VAV1: variants seen among roughly 807,000 people sequenced by gnomAD.
The protein encoded by VAV1 is vav guanine nucleotide exchange factor 1.
VAV1 carries 33 observed loss-of-function variants against 128.1 expected under a neutral mutation model. The ratio of observed to expected loss-of-function variants is 0.26; its 90% CI spans 0.20 to 0.34. VAV1 has a LOEUF of 0.34. Ranked by LOEUF, VAV1 falls within the 10% of genes least tolerant of loss-of-function variation. The probability of loss-of-function intolerance (pLI) is 1.00; values close to 1 mark genes in which losing one functional copy is unlikely to be tolerated. For synonymous variants in VAV1, 394 were observed against 409.8 expected (o/e 0.96, Z 0.47); for missense variants, 715 against 1,093.7 (o/e 0.65, Z 4.88).
At chr19:6,790,178 AAAAAT>A (rs145836391) in intron 1 of VAV1, among the ~76,000 whole-genome samples, 39,516 of 151,440 alleles carry the variant, frequency 0.26, 6,164 homozygotes, top group African/African-American at 0.44. Context: ...ACTCTGTCTC[AAAAAT>A]AAAATAAAAT....
chr19:6,835,529 G>A (rs1216038428), intron 19 of VAV1, among the ~76,000 whole-genome samples: 1 of 152,124 alleles, frequency 6.6e-6, no homozygotes, highest in Non-Finnish European at 1.5e-5. Context: ...TTGTCAGAAA[G>A]CACTGCTACT....
At chr19:6,811,543 A>G (rs1971512297) in intron 1 of VAV1, among the ~76,000 whole-genome samples, 2 of 152,072 alleles carry the variant, frequency 1.3e-5, no homozygotes, top group African/African-American at 4.8e-5. Flanking sequence ...TTGGCTGAAG[A>G]CATTGGGGAA....
chr19:6,855,079 C>G lies in VAV1; in HGVS notation c.2484+981C>G, dbSNP rs182406565. Among the ~76,000 whole-genome samples the G allele has an allele frequency of 6.6e-5, 10 of 152,316 alleles. No homozygotes were observed. The East Asian group carries it at 1.9e-3, about 29-fold the overall frequency. On this transcript the variant is annotated intron_variant, in intron 26 of 26. Coordinates refer to ENST00000602142, the MANE Select transcript of VAV1 (RefSeq NM_005428.4). ...AGTCCACTTGTTTCTGCCAAGTTCTCATTTTTGTTCCATGAAGGCAGAGCA... is the reference window on the plus strand; with the variant it reads ...AGTCCACTTGTTTCTGCCAAGTTCTGATTTTTGTTCCATGAAGGCAGAGCA...
chr19:6,804,175 A>T (rs976854551), intron 1 of VAV1, among the ~76,000 whole-genome samples: 9 of 151,766 alleles, frequency 5.9e-5, no homozygotes, highest in Admixed American at 3.3e-4. Flanking sequence ...CATGTGTCCA[A>T]ATCCAGAGAA....
At chr19:6,834,709 A>G (rs1021109448) in intron 19 of VAV1, among the ~76,000 whole-genome samples, 1 of 146,984 alleles carries the variant, frequency 6.8e-6, no homozygotes, top group Non-Finnish European at 1.5e-5. Context: ...ATGTATATAT[A>G]ATATATCTTT....
rs1971817781 is a variant in VAV1, at chr19:6,822,516, T to TGGGCGCCTCCCACCCAGCGCCTGCC, written c.654+9_654+33dup. Reference sequence around the variant, plus strand: ...GACACGCTGGGCTCCATCCAGCAGGTGGGCGCCTCCCACCCAGCGCCTGCC... The same window carrying TGGGCGCCTCCCACCCAGCGCCTGCC: ...GACACGCTGGGCTCCATCCAGCAGGTGGGCGCCTCCCACCCAGCGCCTGCCGGGCGCCTCCCACCCAGCGCCTGCC... On this transcript the variant is annotated splice_region_variant and intron_variant, in intron 6 of 26. Coordinates refer to ENST00000602142, the MANE Select transcript of VAV1 (RefSeq NM_005428.4). This position sits in a 1 kb window ranked among gnomAD's most constrained non-coding sequence, Gnocchi z 5.9. 6.5e-7 allele frequency: 1 copy of TGGGCGCCTCCCACCCAGCGCCTGCC among 1,546,420 alleles called. No homozygotes were observed.
chr19:6,842,873 C>T (rs79686724), intron 21 of VAV1, among the ~76,000 whole-genome samples: 172 of 152,182 alleles, frequency 1.1e-3, no homozygotes, highest in African/African-American at 4.0e-3. Flanking sequence ...TGCCAACCAT[C>T]TAAAAATGTA....
chr19:6,822,349 G>C lies in VAV1; in HGVS notation c.558+20G>C. 1 of 1,562,946 alleles carries C rather than the reference G, an allele frequency of 6.4e-7. No individual in the cohort carries two copies. The highest frequency in any genetic ancestry group is 8.7e-7 in the Non-Finnish European group (1 of 1,154,328). ...ATGCCGGTGCGTGACGTGGAGGGTCGGGCCTGGGGAGGGCGTGGGCGGGGG... is the reference window on the plus strand; with the variant it reads ...ATGCCGGTGCGTGACGTGGAGGGTCCGGCCTGGGGAGGGCGTGGGCGGGGG... On this transcript the variant is annotated intron_variant, in intron 5 of 26. Coordinates refer to ENST00000602142, the MANE Select transcript of VAV1 (RefSeq NM_005428.4). The surrounding 1 kb of genome is among the most constrained non-coding windows in gnomAD (Gnocchi z 5.9).
chr19:6,820,962 T>C lies in VAV1; in HGVS notation c.321+144T>C, dbSNP rs1387177797. The C allele has an allele frequency of 1.8e-5, 14 of 759,986 alleles. No homozygotes were observed. Among genetic ancestry groups the C allele is most frequent in the Non-Finnish European group, 2.9e-5 (13 of 446,900 alleles). 47.1% of individuals were successfully genotyped at this position (759,986 alleles called of 1,614,324 possible). A position where few individuals can be genotyped will look rare whatever the true frequency, so the allele number is the denominator to read the frequency against. The stretch of plus-strand genomic sequence containing the variant: ...AGACGCAAATAGCACTGGCTTGGGA[T>C]ATGTGGAACTGGGTTTGAGTTCCTG... On this transcript the variant is annotated intron_variant, in intron 2 of 26. Transcript: ENST00000602142. The surrounding 1 kb of genome is among the most constrained non-coding windows in gnomAD (Gnocchi z 4.4).
At chr19:6,823,580 G>A (rs1445374165) in intron 6 of VAV1, among the ~76,000 whole-genome samples, 2 of 151,916 alleles carry the variant, frequency 1.3e-5, no homozygotes, top group Non-Finnish European at 2.9e-5. Context: ...CAATCCTCCT[G>A]TAATCCAAGC....
At position 6,821,912 on chromosome 19, in the gene VAV1, T is replaced by C. The variant is rs1038680774; in HGVS notation, c.449+53T>C. On this transcript the variant is annotated intron_variant, in intron 4 of 26. Transcript: ENST00000602142. ...GCTCACTGGAGCACCGTCCTGGGGG[T>C]GGAGGGTGTGGGGGGACATGGCCTT... is the stretch of plus-strand genomic sequence containing the variant. The C allele has an allele frequency of 1.7e-5, 28 of 1,607,724 alleles. No individual in the cohort carries two copies. In the African/African-American group the frequency reaches 3.6e-4, roughly 21 times the overall value.
At chr19:6,774,317 CAG>C (rs1425693954) in intron 1 of VAV1, among the ~76,000 whole-genome samples, 3 of 149,192 alleles carry the variant, frequency 2.0e-5, no homozygotes, top group African/African-American at 7.4e-5. Context: ...TTAGTAGAGA[CAG>C]GGGTTTCACC....
At chr19:6,852,697 G>A (rs1972697260) in intron 24 of VAV1, among the ~76,000 whole-genome samples, 1 of 151,486 alleles carries the variant, frequency 6.6e-6, no homozygotes, top group Non-Finnish European at 1.5e-5. Context: ...CTCCAGCCTG[G>A]GCGACAGAGC....
At chr19:6,816,002 T>C (rs533455193) in intron 1 of VAV1, among the ~76,000 whole-genome samples, 23 of 150,082 alleles carry the variant, frequency 1.5e-4, no homozygotes, top group African/African-American at 5.7e-4. Flanking sequence ...ATAATGAAAC[T>C]CTCTGTCTCT....
chr19:6,843,114 G>A, intron 21 of VAV1, 21 bp from the exon 22 acceptor site: 1 of 1,613,818 alleles, frequency 6.2e-7, no homozygotes, highest in South Asian at 1.1e-5. Context: ...ACTAAGTTGG[G>A]GTCTCTCTCT....
At chr19:6,823,163 T>C (rs1179668322) in intron 6 of VAV1, among the ~76,000 whole-genome samples, 2 of 149,738 alleles carry the variant, frequency 1.3e-5, no homozygotes, top group African/African-American at 4.9e-5. Flanking sequence ...TTCTCTCTCA[T>C]TGCCCAGGCT....
chr19:6,833,316 C>T lies in VAV1; in HGVS notation c.1610+31C>T, dbSNP rs146355078. On this transcript the variant is annotated intron_variant, in intron 16 of 26. Coordinates refer to ENST00000602142, the MANE Select transcript of VAV1 (RefSeq NM_005428.4). ...AATCTGGGAGGAGGGTCCTGCATAC[C>T]GGACTTGGTCATCAGTTCCTTGCTA... 15,676 of 1,581,574 alleles carry T rather than the reference C, an allele frequency of 9.9e-3. 104 individuals are homozygous for T. The highest frequency in any genetic ancestry group is 0.011 in the Non-Finnish European group (13,196 of 1,164,192).
chr19:6,807,890 C>G (rs2144743047), intron 1 of VAV1, among the ~76,000 whole-genome samples: 1 of 147,428 alleles, frequency 6.8e-6, no homozygotes, highest in East Asian at 2.0e-4. Context: ...ACTCAGGAGG[C>G]TGAGCAGGAG....
rs1971759312 is a variant in VAV1, at chr19:6,820,669, C to T, written c.205-33C>T. ...TCAGTTTCTCCCCTGCCCTTTCGTA[C>T]TGCCCCACCCTCATTTCTCTGTCTC... On this transcript the variant is annotated intron_variant, in intron 1 of 26. Coordinates refer to ENST00000602142, the MANE Select transcript of VAV1 (RefSeq NM_005428.4). The surrounding 1 kb of genome is among the most constrained non-coding windows in gnomAD (Gnocchi z 4.4). The T allele has an allele frequency of 1.9e-6, 3 of 1,601,978 alleles. No individual in the cohort carries two copies. The highest frequency in any genetic ancestry group is 1.1e-5 in the South Asian group (1 of 90,776).
Sources: allele counts gnomAD v4.1 joint callset (sites outside exome capture counted in the v4.1 genomes callset), GRCh38; gene constraint gnomAD v4.1.1; non-coding constraint Gnocchi (gnomAD v3.1); transcripts MANE v1.5; gene names NCBI Gene and HGNC (gene_info 2026-07-23, HGNC 2026-07-21).